The following FIGN variants were observed in gnomAD, a reference collection of about 807,000 sequenced individuals.
The protein encoded by FIGN is fidgetin, microtubule severing factor, also known as fidgetin.
In FIGN, 11 loss-of-function variants were observed where a neutral mutation model predicts 51.3. The observed-to-expected ratio is 0.21, with a 90% confidence interval of 0.13 to 0.35. The LOEUF (loss-of-function observed/expected upper bound fraction) is 0.35. FIGN is among the 10% of genes least tolerant of loss of function. FIGN has a pLI of 1.00. For synonymous variants in FIGN, 407 were observed against 363.2 expected, an observed-to-expected ratio of 1.12 and a Z score of -1.37; for missense variants, 857 against 943.6, an observed-to-expected ratio of 0.91 and a Z score of 1.20.
chr2:163,729,216 A>C (rs980910288), intron 2 of FIGN, among the ~76,000 whole-genome samples: 1 of 152,112 alleles, frequency 6.6e-6, no homozygotes, highest in Non-Finnish European at 1.5e-5. Flanking sequence ...ACACATATAT[A>C]TTTCATATAT....
Position 163,609,608 on chromosome 2 carries a change from G to C in FIGN, c.2224C>G (p.Gln742Glu), listed in dbSNP as rs919162626. ...AFCKIQPSIS[Q>E]KELDMYVEWN... ...TCAACATACATATCAAGCTCCTTTT[G>C]AGATATGCTAGGCTGAATCTTGCAG... is the stretch of plus-strand genomic sequence containing the variant. The change falls in exon 3 of 3, where the codon CAA becomes GAA. Residue 742 changes from glutamine to glutamate, a missense_variant. Coordinates refer to ENST00000333129, the MANE Select transcript of FIGN (RefSeq NM_018086.4). 5.6e-6 allele frequency: 9 copies of C among 1,613,942 alleles called. No homozygotes were observed. The highest frequency in any genetic ancestry group is 7.6e-6 in the Non-Finnish European group (9 of 1,179,992).
At chr2:163,658,166 G>A (rs77445704) in intron 2 of FIGN, among the ~76,000 whole-genome samples, 40 of 152,252 alleles carry the variant, frequency 2.6e-4, no homozygotes, top group Admixed American at 1.2e-3. Flanking sequence ...AACATTGCTA[G>A]TGGTAGGCAA....
At chr2:163,647,046 G>C (rs11691725) in intron 2 of FIGN, among the ~76,000 whole-genome samples, 63,489 of 152,022 alleles carry the variant, frequency 0.42, 13,767 homozygotes, top group African/African-American at 0.53. Context: ...AGCTCTCCAA[G>C]TTAACAACAT....
intron 2 of FIGN, among the ~76,000 whole-genome samples, chr2:163,725,946 G>T (rs1437598031): frequency 6.6e-6 from 1 of 151,942 alleles, no homozygotes. Flanking sequence ...GCTCCAACTG[G>T]ACATTCATTT....
At chr2:163,652,104 C>T (rs1017019956) in intron 2 of FIGN, among the ~76,000 whole-genome samples, 3 of 152,198 alleles carry the variant, frequency 2.0e-5, no homozygotes, top group South Asian at 2.1e-4. Context: ...CCCCTCTATC[C>T]GCAGCTCATA....
At chr2:163,667,072 G>A (rs931230476) in intron 2 of FIGN, among the ~76,000 whole-genome samples, 1 of 151,518 alleles carries the variant, frequency 6.6e-6, no homozygotes, top group African/African-American at 2.4e-5. Context: ...TCTATTTTTG[G>A]TTAGTGTCAC....
At chr2:163,673,013 C>G (rs968765032) in intron 2 of FIGN, among the ~76,000 whole-genome samples, 1 of 152,074 alleles carries the variant, frequency 6.6e-6, no homozygotes, top group African/African-American at 2.4e-5. Context: ...AATGCCAGTG[C>G]ATATCTCGTT....
At chr2:163,686,164 GT>G (rs1022260388) in intron 2 of FIGN, among the ~76,000 whole-genome samples, 8 of 152,166 alleles carry the variant, frequency 5.3e-5, no homozygotes, top group African/African-American at 1.7e-4. Context: ...TATCTTTGAA[GT>G]TTAGAATAGA....
intron 2 of FIGN, among the ~76,000 whole-genome samples, chr2:163,625,566 A>C (rs1683042559): frequency 6.6e-6 from 1 of 152,036 alleles, no homozygotes; most frequent in South Asian, 2.1e-4. Context: ...GGAGAAAAAA[A>C]CCCACTGTTA....
chr2:163,636,548 G>A (rs1392589774), intron 2 of FIGN, among the ~76,000 whole-genome samples: 2 of 152,156 alleles, frequency 1.3e-5, no homozygotes, highest in Non-Finnish European at 2.9e-5. Flanking sequence ...GCCTCCCAAA[G>A]TGCTGGGATT....
At chr2:163,713,490 A>G (rs1001530886) in intron 2 of FIGN, among the ~76,000 whole-genome samples, 3 of 152,108 alleles carry the variant, frequency 2.0e-5, no homozygotes, top group African/African-American at 4.8e-5. Flanking sequence ...TCTGGTTATT[A>G]AAAATATAAA....
rs190958287 is a variant in FIGN at position 163,717,804 on chromosome 2, A to G, written c.25+17099T>C. Among the ~76,000 whole-genome samples, 135 of 152,296 alleles carry G rather than the reference A, an allele frequency of 8.9e-4. No individual in the cohort carries two copies. In the Middle Eastern group the frequency reaches 0.027, roughly 31 times the overall value. On this transcript the variant is annotated intron_variant, in intron 2 of 2. Coordinates refer to ENST00000333129, the MANE Select transcript of FIGN (RefSeq NM_018086.4). ...TTTTAATGAACACTGGCTGCTTGGT[A>G]CTTATTCAAGACATTTCATTAGAAG...
intron 2 of FIGN, among the ~76,000 whole-genome samples, chr2:163,672,127 TG>T (rs1683886290): frequency 6.6e-6 from 1 of 152,142 alleles, no homozygotes; most frequent in African/African-American, 2.4e-5. Context: ...CAAGATCTAT[TG>T]TGTTAGTTCC....
intron 2 of FIGN, among the ~76,000 whole-genome samples, chr2:163,628,497 AG>A (rs1683092859): frequency 6.6e-6 from 1 of 152,206 alleles, no homozygotes; most frequent in Non-Finnish European, 1.5e-5. Flanking sequence ...CAGATTGCAA[AG>A]GGACTTGACT....
At chr2:163,656,827 G>A (rs1336096948) in intron 2 of FIGN, among the ~76,000 whole-genome samples, 1 of 152,094 alleles carries the variant, frequency 6.6e-6, no homozygotes, top group Non-Finnish European at 1.5e-5. Flanking sequence ...AGTAAAACTT[G>A]CCTGCTGAGT....
At chr2:163,618,817 A>T (rs1223806957) in intron 2 of FIGN, among the ~76,000 whole-genome samples, 1 of 152,134 alleles carries the variant, frequency 6.6e-6, no homozygotes, top group Non-Finnish European at 1.5e-5. Context: ...AGGCATTTAA[A>T]TTTAGGACTC....
intron 1 of FIGN, 93 bp from the exon 2 acceptor site, chr2:163,735,165 A>G: frequency 5.8e-6 from 3 of 516,152 alleles, no homozygotes; most frequent in South Asian, 2.5e-5. Flanking sequence ...GCACATGACC[A>G]GGAATGCAAG....
chr2:163,697,210 C>T (rs539005747), intron 2 of FIGN, among the ~76,000 whole-genome samples: 156 of 150,648 alleles, frequency 1.0e-3, no homozygotes, highest in Non-Finnish European at 1.8e-3. Flanking sequence ...AAGCGATTCA[C>T]CTGCCCCAGC....
At chr2:163,707,352 C>G (rs1020014663) in intron 2 of FIGN, among the ~76,000 whole-genome samples, 2 of 1,768 alleles carry the variant, frequency 1.1e-3, no homozygotes, top group African/African-American at 2.7e-3. Context: ...GAGACTCTGT[C>G]TCAAAAAAAA....
Sources: gnomAD v4.1 joint callset for allele counts (sites outside exome capture counted in the v4.1 genomes callset) on GRCh38, gnomAD v4.1.1 for gene constraint, MANE v1.5 for transcripts, NCBI Gene and HGNC (gene_info 2026-07-23, HGNC 2026-07-21) for gene names.